Variants in DNAJB6 observed in about 807,000 individuals in gnomAD.
The protein encoded by DNAJB6 is dnaJ homolog subfamily B member 6.
Under a neutral mutation model 42.7 loss-of-function variants are expected in DNAJB6, and 16 were observed. The ratio of observed to expected loss-of-function variants is 0.37; its 90% confidence interval spans 0.25 to 0.57. The LOEUF (loss-of-function observed/expected upper bound fraction) is 0.57. Ranked by LOEUF, DNAJB6 falls within the 20% of genes least tolerant of loss-of-function variation. The pLI, the probability that DNAJB6 is intolerant of heterozygous loss-of-function variation, is 0.74. For synonymous variants in DNAJB6, 170 were observed against 163.5 expected (o/e 1.04, Z -0.30); for missense variants, 347 against 416.8 (o/e 0.83, Z 1.46).
At chr7:157,400,661 C>T (rs1036588121) in intron 8 of DNAJB6, among the ~76,000 whole-genome samples, 20 of 152,206 alleles carry the variant, frequency 1.3e-4, no homozygotes, top group Admixed American at 9.8e-4. Context: ...GGGGCTCTTG[C>T]GTCCGCCTGG....
intron 8 of DNAJB6, among the ~76,000 whole-genome samples, chr7:157,388,340 A>C (rs1801178268): frequency 6.6e-6 from 1 of 152,230 alleles, no homozygotes; most frequent in Admixed American, 6.5e-5. Flanking sequence ...GGCTGTGAGC[A>C]TTGATACCAT....
intron 8 of DNAJB6, among the ~76,000 whole-genome samples, chr7:157,397,689 G>A (rs1023446686): frequency 3.9e-5 from 6 of 152,218 alleles, no homozygotes; most frequent in Admixed American, 6.5e-5. Context: ...TTTCCAAACC[G>A]ACCTTCACGT....
intron 1 of DNAJB6, among the ~76,000 whole-genome samples, chr7:157,342,285 A>G (rs2116853514): frequency 6.7e-6 from 1 of 148,736 alleles, no homozygotes; most frequent in African/African-American, 2.5e-5. Context: ...CTCCTACCTC[A>G]GGCTCCGGAG....
chr7:157,381,519 G>A (rs1800770358), intron 5 of DNAJB6: 1 of 152,122 alleles, frequency 6.6e-6, no homozygotes, highest in African/African-American at 2.4e-5. Flanking sequence ...TGATTTCCAG[G>A]AGCACTTTGT....
At chr7:157,347,186 G>A (rs182184624) in intron 1 of DNAJB6, among the ~76,000 whole-genome samples, 106 of 152,274 alleles carry the variant, frequency 7.0e-4, no homozygotes, top group African/African-American at 2.4e-3. Context: ...TCTGTAATGC[G>A]TATTTGTATT....
At chr7:157,352,781 G>A (rs564272406) in intron 1 of DNAJB6, among the ~76,000 whole-genome samples, 4 of 152,194 alleles carry the variant, frequency 2.6e-5, no homozygotes, top group Admixed American at 6.5e-5. Flanking sequence ...AAACAACCAT[G>A]GAAGTGGATG....
In DNAJB6 at chr7:157,385,553, C is replaced by T. The variant is rs376405451; in HGVS notation, c.633C>T (p.Asn211=). The stretch of plus-strand genomic sequence containing the variant: ...TTTTTTCCTACAGAATTGTCGAGAA[C>T]GGTCAAGAAAGAGTAGAAGTTGAAG... ...RKITTKRIVE[N]GQERVEVEED... is the part of the protein sequence containing the mutation. Residue 211 remains asparagine, a synonymous_variant, in exon 8 of 10, where the codon AAC becomes AAT. Coordinates refer to ENST00000262177, the MANE Select transcript of DNAJB6 (RefSeq NM_058246.4). 21 of 1,612,812 alleles carry T rather than the reference C, an allele frequency of 1.3e-5. No homozygotes were observed. The African/African-American group carries it at 2.1e-4, about 16-fold the overall frequency.
intron 5 of DNAJB6, among the ~76,000 whole-genome samples, chr7:157,367,908 A>G (rs1799921674): frequency 6.6e-6 from 1 of 152,122 alleles, no homozygotes; most frequent in Non-Finnish European, 1.5e-5. Flanking sequence ...CTTTGTGTTT[A>G]AAGCAGCATT....
chr7:157,411,807 G>A (rs1584953920), intron 9 of DNAJB6: 1 of 152,244 alleles, frequency 6.6e-6, no homozygotes, highest in Non-Finnish European at 1.5e-5. Context: ...GGCCTTCAGC[G>A]CCTGTGGCTA....
At chr7:157,415,429 CA>C (rs1288080297) in intron 9 of DNAJB6, 1 of 152,858 alleles carries the variant, frequency 6.5e-6, no homozygotes, top group Middle Eastern at 3.4e-3. Flanking sequence ...ACAGAGCTGG[CA>C]AACATGAGGC....
At chr7:157,383,003 TGTG>T (rs1800864221) in intron 6 of DNAJB6, among the ~76,000 whole-genome samples, 1 of 152,144 alleles carries the variant, frequency 6.6e-6, no homozygotes, top group Non-Finnish European at 1.5e-5. Flanking sequence ...TTTTTTTTGT[TGTG>T]TTTTGTTTTT....
intron 1 of DNAJB6, among the ~76,000 whole-genome samples, chr7:157,355,252 C>T (rs771223036): frequency 9.8e-5 from 15 of 152,310 alleles, no homozygotes; most frequent in South Asian, 2.1e-4. Context: ...CTCCGCCTCC[C>T]GGGGTTCACG....
At chr7:157,408,926 G>A (rs1324038542) in intron 8 of DNAJB6, among the ~76,000 whole-genome samples, 1 of 152,242 alleles carries the variant, frequency 6.6e-6, no homozygotes, top group East Asian at 1.9e-4. Flanking sequence ...GGGTGCGACA[G>A]TCGTTTTAGG....
rs561059767 is a variant in DNAJB6 at position 157,416,144 on chromosome 7, C to T, written c.*46C>T. The stretch of plus-strand genomic sequence containing the variant: ...TGCACCCCCAGACGCTGGCGCTCCA[C>T]CGTGCTCGGCATGCGGTCGTGCACA... On this transcript the variant is annotated 3_prime_UTR_variant, in exon 10 of 10. Transcript: ENST00000262177. The T allele has an allele frequency of 1.3e-6, 2 of 1,594,576 alleles. No homozygotes were observed. The highest frequency in any genetic ancestry group is 4.5e-5 in the East Asian group (2 of 43,972).
chr7:157,414,475 G>A (rs1356469056), intron 9 of DNAJB6: 1 of 152,262 alleles, frequency 6.6e-6, no homozygotes, highest in Admixed American at 6.5e-5. Context: ...TGCTTTGGAA[G>A]CAGGTACTCA....
intron 6 of DNAJB6, among the ~76,000 whole-genome samples, chr7:157,382,922 GC>G (rs927584468): frequency 1.3e-5 from 2 of 152,164 alleles, no homozygotes; most frequent in African/African-American, 4.8e-5. Context: ...ATCATGATAT[GC>G]CTGTGTGTTT....
chr7:157,357,393 C>T (rs1427626395), intron 1 of DNAJB6, among the ~76,000 whole-genome samples: 1 of 149,354 alleles, frequency 6.7e-6, no homozygotes, highest in African/African-American at 2.5e-5. Context: ...CAGCTCACTG[C>T]AGTCTCTGCC....
At chr7:157,355,178 T>C (rs984117495) in intron 1 of DNAJB6, among the ~76,000 whole-genome samples, 1 of 152,048 alleles carries the variant, frequency 6.6e-6, no homozygotes. Context: ...TATTTTGAGA[T>C]GGAGTCTCAC....
At chr7:157,405,466 G>A (rs890279161) in intron 8 of DNAJB6, among the ~76,000 whole-genome samples, 73 of 152,282 alleles carry the variant, frequency 4.8e-4, no homozygotes, top group East Asian at 2.1e-3. Context: ...CTTCCTCCTC[G>A]TGGTGACTGG....
Sources: allele counts gnomAD v4.1 joint callset (sites outside exome capture counted in the v4.1 genomes callset), GRCh38; gene constraint gnomAD v4.1.1; transcripts MANE v1.5; gene names NCBI Gene and HGNC (gene_info 2026-07-23, HGNC 2026-07-21).